Variants in SCP2 observed in about 807,000 individuals in gnomAD.
The protein encoded by SCP2 is sterol carrier protein 2, also known as SCP-2/3-oxoacyl-CoA thiolase.
Under a neutral mutation model 71.4 loss-of-function variants are expected in SCP2, and 48 were observed. The observed-to-expected ratio is 0.67, with a 90% CI of 0.53 to 0.86. SCP2 has a LOEUF of 0.86. Ranked by LOEUF, SCP2 falls within the 40% of genes least tolerant of loss-of-function variation. The pLI, the probability that SCP2 is intolerant of heterozygous loss-of-function variation, is 0.00. For synonymous variants in SCP2, 220 were observed against 218.1 expected, an observed-to-expected ratio of 1.01 and a Z score of -0.08; for missense variants, 560 against 655.6, an observed-to-expected ratio of 0.85 and a Z score of 1.59.
chr1:52,973,248 G>A (rs1657649384), intron 6 of SCP2, among the ~76,000 whole-genome samples: 1 of 152,076 alleles, frequency 6.6e-6, no homozygotes, highest in Non-Finnish European at 1.5e-5. Context: ...TGGTCATAAT[G>A]CACATAGTGC....
At chr1:53,038,416 C>CT (rs370814613) in intron 13 of SCP2, among the ~76,000 whole-genome samples, 74 of 151,850 alleles carry the variant, frequency 4.9e-4, no homozygotes, top group African/African-American at 1.7e-3. Context: ...CCTTTTTGTT[C>CT]TTTTTTGAGA....
intron 1 of SCP2, among the ~76,000 whole-genome samples, chr1:52,936,360 A>C (rs1193773311): frequency 6.6e-6 from 1 of 152,248 alleles, no homozygotes; most frequent in Admixed American, 6.5e-5. Context: ...AAGTTTGAGA[A>C]TCGCTGGATG....
At chr1:52,968,133 C>A (rs995013255) in intron 6 of SCP2, among the ~76,000 whole-genome samples, 3 of 151,972 alleles carry the variant, frequency 2.0e-5, no homozygotes, top group African/African-American at 7.2e-5. Context: ...GTAGAGATGG[C>A]GTTTCTCCAT....
intron 12 of SCP2, among the ~76,000 whole-genome samples, chr1:53,023,554 A>AT (rs1254566847): frequency 2.0e-5 from 3 of 151,922 alleles, no homozygotes; most frequent in Non-Finnish European, 4.4e-5. Flanking sequence ...CAATACAGAG[A>AT]TTTTTTTTAA....
intron 2 of SCP2, among the ~76,000 whole-genome samples, chr1:52,946,541 G>C (rs11206047): frequency 6.6e-6 from 1 of 152,016 alleles, no homozygotes; most frequent in Non-Finnish European, 1.5e-5. Context: ...GTTTACACCC[G>C]TAGAGTCTCA....
intron 12 of SCP2, among the ~76,000 whole-genome samples, chr1:53,025,830 T>C (rs17107638): frequency 0.037 from 5,704 of 152,288 alleles, 225 homozygotes; most frequent in East Asian, 0.21. Context: ...CAATTTCACT[T>C]CCATGTTATC....
intron 13 of SCP2, among the ~76,000 whole-genome samples, chr1:53,032,522 G>A (rs1233202595): frequency 6.6e-6 from 1 of 152,194 alleles, no homozygotes; most frequent in Non-Finnish European, 1.5e-5. Context: ...TGGGGTATGA[G>A]TAAGGGCATG....
Position 52,976,837 on chromosome 1 carries a change from G to A in SCP2, c.674+68G>A, listed in dbSNP as rs1658014934. 14 of 846,806 alleles carry A rather than the reference G, an allele frequency of 1.7e-5. No homozygotes were observed. In the South Asian group the frequency reaches 1.7e-4, roughly 10 times the overall value. The allele number at this position is 846,806 out of a possible 1,614,324, so 52.5% of individuals were successfully genotyped here. A position where few individuals can be genotyped will look rare whatever the true frequency, so the allele number is the denominator to read the frequency against. On this transcript the variant is annotated intron_variant, in intron 8 of 15. Transcript: ENST00000371514. The stretch of plus-strand genomic sequence containing the variant: ...CTGCCCTTCCTGCCACCCCCCTGTG[G>A]TTAAACCTTAGGCTCTGCATCTGGG...
In SCP2 at chr1:53,047,936, C is replaced by A; in HGVS notation, c.1547C>A (p.Ser516Ter). Residue 516 changes from serine (S) to a stop codon, truncating the protein, a stop_gained and splice_region_variant, in exon 15 of 16, where the codon TCG becomes TAG. Coordinates refer to ENST00000371514, the MANE Select transcript of SCP2 (RefSeq NM_002979.5). LOFTEE classifies it high-confidence loss of function. ...ATGACTGGTAAAATGAATCCTCAGT[C>A]GGTAAGTATGATGGAGCTTATATCC... ...ALMTGKMNPQ[S>*]AFFQGKLKIT... The A allele has an allele frequency of 6.2e-7, 1 of 1,605,996 alleles. No individual in the cohort carries two copies. Among genetic ancestry groups the A allele is most frequent in the South Asian group, 1.1e-5 (1 of 90,852 alleles).
At chr1:52,957,488 C>G (rs1655933287) in intron 5 of SCP2, among the ~76,000 whole-genome samples, 2 of 151,814 alleles carry the variant, frequency 1.3e-5, no homozygotes, top group African/African-American at 4.8e-5. Context: ...CAAAACAAAA[C>G]AAAACAAAAA....
intron 11 of SCP2, chr1:52,994,410 T>C (rs1659778123): frequency 4.5e-6 from 2 of 447,474 alleles, no homozygotes; most frequent in African/African-American, 4.3e-5. Context: ...ATGTTTTTAT[T>C]ATAATTTGCT....
chr1:52,986,378 G>A (rs1658984810), intron 10 of SCP2, among the ~76,000 whole-genome samples: 1 of 152,194 alleles, frequency 6.6e-6, no homozygotes, highest in South Asian at 2.1e-4. Context: ...ATAGTAGATA[G>A]ATTTATCTCT....
At chr1:52,940,513 A>G (rs1654130947) in intron 1 of SCP2, 1 of 154,308 alleles carries the variant, frequency 6.5e-6, no homozygotes. Flanking sequence ...CCTAGACTAA[A>G]CTTTCAGCTC....
chr1:52,991,597 C>T (rs1267336447), intron 11 of SCP2, among the ~76,000 whole-genome samples: 1 of 152,002 alleles, frequency 6.6e-6, no homozygotes, highest in African/African-American at 2.4e-5. Context: ...GACAGGGTTT[C>T]ACCAGGTTGG....
intron 6 of SCP2, among the ~76,000 whole-genome samples, chr1:52,962,260 A>G (rs1185502965): frequency 6.6e-6 from 1 of 152,156 alleles, no homozygotes; most frequent in African/African-American, 2.4e-5. Flanking sequence ...AGATCAAGCT[A>G]TTCATACTCT....
intron 3 of SCP2, among the ~76,000 whole-genome samples, 195 bp from the exon 4 acceptor site, chr1:52,950,560 G>A (rs553987063): frequency 2.4e-4 from 37 of 152,270 alleles, no homozygotes; most frequent in Non-Finnish European, 4.4e-5. Flanking sequence ...TAAAGAAAGT[G>A]CACATATATT....
intron 1 of SCP2, among the ~76,000 whole-genome samples, chr1:52,929,547 G>T (rs1358175871): frequency 6.6e-6 from 1 of 152,146 alleles, no homozygotes; most frequent in African/African-American, 2.4e-5. Context: ...CCAGGTTCAA[G>T]TGATTCTTCT....
rs779585406 is a variant in SCP2, at chr1:52,927,475, G to C, written c.69+10G>C. 1.9e-6 allele frequency: 3 copies of C among 1,590,876 alleles called. No homozygotes were observed. The highest frequency in any genetic ancestry group is 2.6e-6 in the Non-Finnish European group (3 of 1,168,842). On this transcript the variant is annotated intron_variant, in intron 1 of 15. Coordinates refer to ENST00000371514, the MANE Select transcript of SCP2 (RefSeq NM_002979.5). ...GGTTGGCATGACCAAGGTAAACCGA[G>C]CAGCGGCCCTGCTGGCCCTCTGAGG...
At chr1:52,944,232 GT>G (rs1654558236) in intron 2 of SCP2, among the ~76,000 whole-genome samples, 1 of 152,130 alleles carries the variant, frequency 6.6e-6, no homozygotes, top group Admixed American at 6.5e-5. Context: ...GAGTTACTGT[GT>G]TTATTCCTTA....
Sources: gnomAD v4.1 joint callset for allele counts (sites outside exome capture counted in the v4.1 genomes callset) on GRCh38, gnomAD v4.1.1 for gene constraint, MANE v1.5 for transcripts, NCBI Gene and HGNC (gene_info 2026-07-23, HGNC 2026-07-21) for gene names.